Variants in CCBE1 observed in about 807,000 individuals in gnomAD.
CCBE1 encodes collagen and calcium binding EGF domains 1.
In CCBE1, 37 loss-of-function variants were observed where a neutral mutation model predicts 50.0. That is an observed-to-expected ratio of 0.74 (90% confidence interval 0.57 to 0.97). CCBE1 has a LOEUF of 0.97. CCBE1 is among the 50% of genes least tolerant of loss of function. The probability of loss-of-function intolerance (pLI) is 0.00; values close to 1 mark genes in which losing one functional copy is unlikely to be tolerated. For missense variants in CCBE1, 538 were observed against 523.8 expected (o/e 1.03, Z -0.26); for synonymous variants, 234 against 203.7 (o/e 1.15, Z -1.27).
intron 2 of CCBE1, among the ~76,000 whole-genome samples, chr18:59,671,516 AG>A (rs1208191015): frequency 4.4e-4 from 65 of 147,048 alleles, no homozygotes; most frequent in Non-Finnish European, 8.3e-4. Flanking sequence ...AAAAAAAAAA[AG>A]TAAGAAAAAG....
At chr18:59,528,350 G>A (rs1914910891) in intron 2 of CCBE1, among the ~76,000 whole-genome samples, 1 of 152,090 alleles carries the variant, frequency 6.6e-6, no homozygotes, top group African/African-American at 2.4e-5. Flanking sequence ...TGCTTATTCT[G>A]GTTAACAGCT....
At chr18:59,529,856 C>A (rs1568189433) in intron 2 of CCBE1, among the ~76,000 whole-genome samples, 1 of 152,130 alleles carries the variant, frequency 6.6e-6, no homozygotes, top group Non-Finnish European at 1.5e-5. Context: ...AGCTTAAAAC[C>A]ATATGGATCT....
intron 2 of CCBE1, among the ~76,000 whole-genome samples, chr18:59,564,372 T>TAC (rs959407493): frequency 3.9e-5 from 6 of 152,152 alleles, no homozygotes; most frequent in South Asian, 2.1e-4. Context: ...ACTATATATA[T>TAC]ACACACACAC....
intron 2 of CCBE1, among the ~76,000 whole-genome samples, chr18:59,481,377 G>A (rs1912563060): frequency 6.6e-6 from 1 of 152,056 alleles, no homozygotes; most frequent in African/African-American, 2.4e-5. Context: ...TAGAGGGAGA[G>A]GAGACAGTAA....
chr18:59,524,775 T>TG (rs1342431897), intron 2 of CCBE1, among the ~76,000 whole-genome samples: 2 of 152,312 alleles, frequency 1.3e-5, no homozygotes, highest in East Asian at 3.9e-4. Flanking sequence ...GGCCCCAGTA[T>TG]GTGCTGTTCT....
At chr18:59,476,377 A>G (rs201827118) in intron 3 of CCBE1, among the ~76,000 whole-genome samples, 1 of 152,180 alleles carries the variant, frequency 6.6e-6, no homozygotes, top group East Asian at 1.9e-4. Context: ...TTTATGCTGA[A>G]TTAATAATTG....
chr18:59,679,990 G>A lies in CCBE1; in HGVS notation c.212+16639C>T, dbSNP rs139828129. Among the ~76,000 whole-genome samples the A allele has an allele frequency of 6.0e-4, 91 of 152,246 alleles. 1 individual carries two copies. The highest frequency in any genetic ancestry group is 2.0e-3 in the African/African-American group (85 of 41,542). On this transcript the variant is annotated intron_variant, in intron 2 of 10. Transcript: ENST00000439986. The stretch of plus-strand genomic sequence containing the variant: ...TGTAATCCCAGCACTTTGGGAGGCC[G>A]AGGCAGGTAAATCACCTGAGGTCAG...
chr18:59,579,310 G>GA lies in CCBE1; in HGVS notation c.213-99073dup, dbSNP rs779340205. ...CAATTCACAGTTCCATATATGTGCA[G>GA]ACAGGACGTGGATCATGCACCTGAC... On this transcript the variant is annotated intron_variant, in intron 2 of 10. Coordinates refer to ENST00000439986, the MANE Select transcript of CCBE1 (RefSeq NM_133459.4). Among the ~76,000 whole-genome samples, 4 of 151,850 alleles carry GA rather than the reference G, an allele frequency of 2.6e-5. No individual in the cohort carries two copies. The East Asian group carries it at 7.7e-4, about 29-fold the overall frequency.
At position 59,539,957 on chromosome 18, in the gene CCBE1, G is replaced by C. The variant is rs979068548; in HGVS notation, c.213-59719C>G. ...ATTCTATATGTTCTTGCCCCATGGA[G>C]AATTCTATTTGGTAAGTTCTCCCTA... On this transcript the variant is annotated intron_variant, in intron 2 of 10. Transcript: ENST00000439986. 4.6e-5 allele frequency among the ~76,000 whole-genome samples: 7 copies of C among 152,258 alleles called. No individual in the cohort carries two copies. The East Asian group carries it at 1.3e-3, about 29-fold the overall frequency.
Position 59,455,840 on chromosome 18 carries a change from C to T in CCBE1, c.554-889G>A, listed in dbSNP as rs548254819. 2.4e-3 allele frequency among the ~76,000 whole-genome samples: 358 copies of T among 152,334 alleles called. 1 individual carries two copies. Among genetic ancestry groups the T allele is most frequent in the African/African-American group, 8.2e-3 (342 of 41,576 alleles). ...TTCAGGCAGGCAGGACAGTTTGACA[C>T]CCAGGGAAGCATAAACTCTCTTCGC... On this transcript the variant is annotated intron_variant, in intron 5 of 10. Coordinates refer to ENST00000439986, the MANE Select transcript of CCBE1 (RefSeq NM_133459.4).
At chr18:59,671,596 A>G (rs897519119) in intron 2 of CCBE1, among the ~76,000 whole-genome samples, 2 of 152,022 alleles carry the variant, frequency 1.3e-5, no homozygotes, top group African/African-American at 4.8e-5. Context: ...GTGATAGGAC[A>G]TAGGTTTCCT....
intron 2 of CCBE1, among the ~76,000 whole-genome samples, chr18:59,551,045 G>GAAAA (rs1245706285): frequency 6.5e-5 from 7 of 108,160 alleles, no homozygotes; most frequent in Admixed American, 2.0e-4. Flanking sequence ...GAAAAGAAAA[G>GAAAA]AAAAAAAAGA....
intron 2 of CCBE1, among the ~76,000 whole-genome samples, chr18:59,584,071 T>C (rs575920729): frequency 6.6e-6 from 1 of 152,186 alleles, no homozygotes; most frequent in South Asian, 2.1e-4. Context: ...TGCGGCATTA[T>C]TCACAATAGC....
intron 1 of CCBE1, 98 bp from the exon 2 acceptor site, chr18:59,696,807 T>TC (rs2054811842): frequency 7.5e-7 from 1 of 1,325,148 alleles, no homozygotes; most frequent in Non-Finnish European, 1.1e-6. Context: ...ATCGCCAGGC[T>TC]CCCCGTCCCG....
At chr18:59,545,651 T>C (rs1359441625) in intron 2 of CCBE1, among the ~76,000 whole-genome samples, 1 of 152,238 alleles carries the variant, frequency 6.6e-6, no homozygotes, top group Non-Finnish European at 1.5e-5. Flanking sequence ...AATCTCATCT[T>C]GAATTGTACT....
At chr18:59,445,022 G>A (rs190801734) in intron 7 of CCBE1, among the ~76,000 whole-genome samples, 1 of 151,942 alleles carries the variant, frequency 6.6e-6, no homozygotes. Flanking sequence ...TGTTTGATTT[G>A]AGACACAGAA....
upstream of CCBE1, chr18:59,697,629 A>G (rs1599148595): frequency 2.3e-6 from 1 of 428,400 alleles, no homozygotes; most frequent in Non-Finnish European, 4.2e-6. Flanking sequence ...TCTCGTCGGG[A>G]CGTTCACGTC....
chr18:59,512,154 CT>C (rs1914159979), intron 2 of CCBE1, among the ~76,000 whole-genome samples: 1 of 152,188 alleles, frequency 6.6e-6, no homozygotes, highest in African/African-American at 2.4e-5. Flanking sequence ...GGTGTGGTCC[CT>C]TTAAATGATA....
chr18:59,510,499 G>A (rs1164001002), intron 2 of CCBE1, among the ~76,000 whole-genome samples: 1 of 151,818 alleles, frequency 6.6e-6, no homozygotes, highest in Non-Finnish European at 1.5e-5. Flanking sequence ...TCAGCTCACT[G>A]CAACCTCTGC....
Sources: gnomAD v4.1 joint callset for allele counts (sites outside exome capture counted in the v4.1 genomes callset) on GRCh38, gnomAD v4.1.1 for gene constraint, MANE v1.5 for transcripts, NCBI Gene and HGNC (gene_info 2026-07-23, HGNC 2026-07-21) for gene names.